The following SNTG1 variants were observed in gnomAD, a reference collection of about 807,000 sequenced individuals.
SNTG1 encodes syntrophin gamma 1, also known as gamma-1-syntrophin.
Under a neutral mutation model 74.7 loss-of-function variants are expected in SNTG1, and 39 were observed. That is an observed-to-expected ratio of 0.52 (90% CI 0.40 to 0.68). The LOEUF (loss-of-function observed/expected upper bound fraction) is 0.68. Among genes scored for constraint, SNTG1 ranks in the 30% least tolerant of loss-of-function variants. The pLI is 0.00. For missense variants in SNTG1, 685 were observed against 609.5 expected, an observed-to-expected ratio of 1.12 and a Z score of -1.30; for synonymous variants, 254 against 217.1, an observed-to-expected ratio of 1.17 and a Z score of -1.49.
chr8:49,997,096 T>C (rs1814295280), intron 1 of SNTG1, among the ~76,000 whole-genome samples: 1 of 152,140 alleles, frequency 6.6e-6, no homozygotes, highest in African/African-American at 2.4e-5. Flanking sequence ...AAATTTAAGC[T>C]GTATTTACCT....
At chr8:49,992,863 T>C (rs1271800877) in intron 1 of SNTG1, among the ~76,000 whole-genome samples, 1 of 152,188 alleles carries the variant, frequency 6.6e-6, no homozygotes, top group African/African-American at 2.4e-5. Context: ...TGCTCACACA[T>C]ACTAAAATCA....
At chr8:50,647,152 G>A (rs1159487920) in intron 13 of SNTG1, among the ~76,000 whole-genome samples, 1 of 152,072 alleles carries the variant, frequency 6.6e-6, no homozygotes, top group African/African-American at 2.4e-5. Context: ...CTTGGGTATG[G>A]TGATGACTTC....
intron 1 of SNTG1, among the ~76,000 whole-genome samples, chr8:49,970,622 G>A (rs1811575391): frequency 6.6e-6 from 1 of 152,138 alleles, no homozygotes; most frequent in African/African-American, 2.4e-5. Flanking sequence ...TATTCCATAA[G>A]ATCACTGACC....
chr8:50,551,000 A>T (rs1159501529), intron 11 of SNTG1, among the ~76,000 whole-genome samples: 1 of 152,118 alleles, frequency 6.6e-6, no homozygotes, highest in African/African-American at 2.4e-5. Flanking sequence ...TCAAGGGAAT[A>T]TTATACATAG....
intron 2 of SNTG1, among the ~76,000 whole-genome samples, chr8:50,246,163 T>G (rs1586829013): frequency 6.6e-6 from 1 of 151,064 alleles, no homozygotes; most frequent in African/African-American, 2.4e-5. Flanking sequence ...AAGTAGATAT[T>G]GTCTGATCAT....
chr8:49,977,457 G>A (rs1812298454), intron 1 of SNTG1, among the ~76,000 whole-genome samples: 1 of 152,116 alleles, frequency 6.6e-6, no homozygotes, highest in Non-Finnish European at 1.5e-5. Flanking sequence ...CTGAAACCCA[G>A]CCCAGTGCTC....
intron 1 of SNTG1, among the ~76,000 whole-genome samples, chr8:49,943,963 G>A (rs1388589224): frequency 3.3e-5 from 5 of 151,920 alleles, no homozygotes; most frequent in Non-Finnish European, 5.9e-5. Flanking sequence ...TCTCATTATA[G>A]TTCAAAAGCA....
intron 1 of SNTG1, among the ~76,000 whole-genome samples, chr8:50,000,293 T>C (rs1814623340): frequency 1.3e-5 from 2 of 152,164 alleles, no homozygotes; most frequent in African/African-American, 4.8e-5. Flanking sequence ...TTATTCCAGT[T>C]CAGATTTTAA....
chr8:50,544,143 T>A (rs2094368829), intron 11 of SNTG1, among the ~76,000 whole-genome samples: 1 of 152,108 alleles, frequency 6.6e-6, no homozygotes. Flanking sequence ...TTATTTAATA[T>A]TCTCTCTATT....
chr8:50,398,060 A>G (rs1563332444), intron 3 of SNTG1, among the ~76,000 whole-genome samples: 1 of 152,236 alleles, frequency 6.6e-6, no homozygotes, highest in Non-Finnish European at 1.5e-5. Context: ...AATGGAGTTT[A>G]TCCTTCTTCT....
At chr8:50,315,843 G>A (rs1228168388) in intron 2 of SNTG1, among the ~76,000 whole-genome samples, 1 of 152,124 alleles carries the variant, frequency 6.6e-6, no homozygotes, top group Non-Finnish European at 1.5e-5. Context: ...ATTCACAGAT[G>A]TGAGCTGAAA....
chr8:49,953,335 G>C (rs936197235), intron 1 of SNTG1, among the ~76,000 whole-genome samples: 1 of 152,166 alleles, frequency 6.6e-6, no homozygotes, highest in Non-Finnish European at 1.5e-5. Context: ...AGTCTGAGAG[G>C]ACCCTTGGGG....
chr8:50,561,940 A>T (rs2094490701), intron 12 of SNTG1, among the ~76,000 whole-genome samples: 1 of 152,174 alleles, frequency 6.6e-6, no homozygotes. Flanking sequence ...CCTCACTGTC[A>T]TTCCTTAGGG....
At chr8:50,540,600 C>G (rs2094339693) in intron 11 of SNTG1, among the ~76,000 whole-genome samples, 1 of 151,792 alleles carries the variant, frequency 6.6e-6, no homozygotes, top group African/African-American at 2.4e-5. Context: ...GTAAAGTGTC[C>G]CACTATGATG....
At chr8:50,133,121 G>A (rs1311636005) in intron 1 of SNTG1, among the ~76,000 whole-genome samples, 2 of 152,112 alleles carry the variant, frequency 1.3e-5, no homozygotes, top group Non-Finnish European at 2.9e-5. Flanking sequence ...TGCACCTTCT[G>A]TGCTTTGCTT....
chr8:50,252,182 A>T (rs898156171), intron 2 of SNTG1, among the ~76,000 whole-genome samples: 2 of 152,176 alleles, frequency 1.3e-5, no homozygotes, highest in Non-Finnish European at 2.9e-5. Context: ...AACACATCAT[A>T]CTGAACTGTA....
intron 2 of SNTG1, among the ~76,000 whole-genome samples, chr8:50,355,256 TAAATAAATTAA>T (rs745392880): frequency 0.079 from 12,043 of 152,182 alleles, 569 homozygotes; most frequent in African/African-American, 0.12. Context: ...ATTAATTAAT[TAAATAAATTAA>T]ATAGTCATTC....
intron 15 of SNTG1, among the ~76,000 whole-genome samples, chr8:50,693,082 C>T (rs1489029727): frequency 1.3e-5 from 2 of 152,134 alleles, no homozygotes. Context: ...CTGATGTGCC[C>T]TTTTTTTAAG....
At chr8:50,442,548 A>C (rs2093367187) in intron 5 of SNTG1, among the ~76,000 whole-genome samples, 1 of 152,022 alleles carries the variant, frequency 6.6e-6, no homozygotes, top group Non-Finnish European at 1.5e-5. Context: ...CTCCTGCTGT[A>C]ACTTTTGGGA....
Sources: allele counts gnomAD v4.1 joint callset (sites outside exome capture counted in the v4.1 genomes callset), GRCh38; gene constraint gnomAD v4.1.1; transcripts MANE v1.5; gene names NCBI Gene and HGNC (gene_info 2026-07-23, HGNC 2026-07-21).